PRKCB: variants seen among roughly 807,000 people sequenced by gnomAD.
The protein encoded by PRKCB is protein kinase C beta.
PRKCB carries 13 observed loss-of-function variants against 81.5 expected under a neutral mutation model. The ratio of observed to expected loss-of-function variants is 0.16; its 90% CI spans 0.10 to 0.25. The LOEUF (loss-of-function observed/expected upper bound fraction) is 0.25, where lower values mean the gene tolerates loss of function less well. Ranked by LOEUF, PRKCB falls within the 10% of genes least tolerant of loss-of-function variation. The probability of loss-of-function intolerance (pLI) is 1.00; values close to 1 mark genes in which losing one functional copy is unlikely to be tolerated. For missense variants in PRKCB, 509 were observed against 875.7 expected (o/e 0.58, Z 5.29); for synonymous variants, 335 against 321.4 (o/e 1.04, Z -0.45).
chr16:24,102,898 T>C (rs1007132814), intron 7 of PRKCB, among the ~76,000 whole-genome samples: 1 of 152,216 alleles, frequency 6.6e-6, no homozygotes, highest in African/African-American at 2.4e-5. Flanking sequence ...ATAGCTTTTT[T>C]GTTTGTTTGT....
chr16:23,889,160 A>ATCCG (rs1413842560), intron 2 of PRKCB, among the ~76,000 whole-genome samples: 1 of 92,982 alleles, frequency 1.1e-5, no homozygotes, highest in African/African-American at 3.8e-5. Context: ...CCATCCATCC[A>ATCCG]TCCATCCATC....
intron 16 of PRKCB, among the ~76,000 whole-genome samples, chr16:24,194,132 G>C (rs1290691934): frequency 6.6e-6 from 1 of 152,094 alleles, no homozygotes; most frequent in Non-Finnish European, 1.5e-5. Context: ...TTCGAGACCA[G>C]CCTGGCCAAC....
intron 3 of PRKCB, among the ~76,000 whole-genome samples, chr16:24,001,920 A>C (rs1326935752): frequency 1.3e-5 from 2 of 152,188 alleles, no homozygotes; most frequent in Non-Finnish European, 1.5e-5. Context: ...GCTGGAACTG[A>C]AGCTCCAGTA....
rs1019911377 is a variant in PRKCB at position 23,861,857 on chromosome 16, C to G, written c.205+24451C>G. Reference sequence around the variant, plus strand: ...CACAATATCCTTGAGCCCCTGAATTCACTAATCTTGATATAGCTCTATCTC... The same window carrying G: ...CACAATATCCTTGAGCCCCTGAATTGACTAATCTTGATATAGCTCTATCTC... On this transcript the variant is annotated intron_variant, in intron 2 of 16. Transcript: ENST00000643927. Among the ~76,000 whole-genome samples the G allele has an allele frequency of 1.4e-4, 22 of 152,186 alleles. 1 individual carries two copies. Among genetic ancestry groups the G allele is most frequent in the Non-Finnish European group, 1.8e-4 (12 of 68,034 alleles).
At chr16:24,033,375 A>G (rs1965572210) in intron 4 of PRKCB, among the ~76,000 whole-genome samples, 3 of 152,178 alleles carry the variant, frequency 2.0e-5, no homozygotes, top group Admixed American at 6.5e-5. Flanking sequence ...GACACATGCA[A>G]CCCTAACACA....
chr16:23,948,665 C>T (rs1009446073), intron 2 of PRKCB, among the ~76,000 whole-genome samples: 1 of 152,188 alleles, frequency 6.6e-6, no homozygotes, highest in African/African-American at 2.4e-5. Context: ...CCTTGGCCTC[C>T]CAAAGTGCTG....
intron 3 of PRKCB, among the ~76,000 whole-genome samples, chr16:24,015,020 C>T (rs1234379658): frequency 2.6e-5 from 4 of 152,120 alleles, no homozygotes; most frequent in Non-Finnish European, 5.9e-5. Context: ...AGGCTGGTCT[C>T]GAACTCCTGG....
chr16:23,839,776 A>G (rs1312378506), intron 2 of PRKCB, among the ~76,000 whole-genome samples: 1 of 152,208 alleles, frequency 6.6e-6, no homozygotes, highest in Non-Finnish European at 1.5e-5. Flanking sequence ...TAACAGTACC[A>G]TAGTGTGGCT....
intron 10 of PRKCB, among the ~76,000 whole-genome samples, chr16:24,171,367 G>C (rs1037491593): frequency 3.9e-5 from 6 of 152,204 alleles, no homozygotes; most frequent in African/African-American, 1.4e-4. Context: ...ATGGCGGCAG[G>C]CTTCCCAAAA....
intron 9 of PRKCB, among the ~76,000 whole-genome samples, chr16:24,145,784 G>A (rs1261301186): frequency 6.6e-6 from 1 of 152,226 alleles, no homozygotes; most frequent in Non-Finnish European, 1.5e-5. Context: ...AAAACCGGAG[G>A]TTGGTGCTTT....
intron 5 of PRKCB, among the ~76,000 whole-genome samples, chr16:24,067,941 C>CA (rs912993889): frequency 0.029 from 2,194 of 76,786 alleles, 28 homozygotes; most frequent in South Asian, 0.057. Flanking sequence ...GACTCCGTCT[C>CA]AAAAAAAAAA....
At position 24,214,667 on chromosome 16, in the gene PRKCB, A is replaced by G. The variant is rs1968195464; in HGVS notation, c.1873A>G (p.Asn625Asp). The change falls in exon 17 of 17, where the codon AAT becomes GAT. Residue 625 changes from asparagine (N) to aspartate (D), a missense_variant. Physicochemically the swap from Asn to Asp is conservative, Grantham distance 23. This residue lies in a region of PRKCB where 104 missense variants were observed against 160.5 expected (regional missense o/e 0.65). Coordinates refer to ENST00000643927, the MANE Select transcript of PRKCB (RefSeq NM_002738.7). The stretch of plus-strand genomic sequence containing the variant: ...TCTTCCCCTCTCATAGTGTGGGCGA[A>G]ATGCTGAAAACTTCGACCGATTTTT... ...PPYKPKACGR[N>D]AENFDRFFTR... 1.2e-6 allele frequency: 2 copies of G among 1,614,048 alleles called. No homozygotes were observed. Among genetic ancestry groups the G allele is most frequent in the East Asian group, 2.2e-5 (1 of 44,874 alleles).
chr16:23,977,275 T>C (rs1964638453), intron 2 of PRKCB, among the ~76,000 whole-genome samples: 1 of 152,138 alleles, frequency 6.6e-6, no homozygotes, highest in African/African-American at 2.4e-5. Context: ...CCAGATGTGT[T>C]AGTGTGGGGA....
intron 2 of PRKCB, among the ~76,000 whole-genome samples, chr16:23,915,615 C>T (rs1172400271): frequency 1.5e-5 from 2 of 134,002 alleles, no homozygotes; most frequent in Non-Finnish European, 3.1e-5. Flanking sequence ...TTGCATGAGC[C>T]CAGGAGGTGG....
Position 24,123,954 on chromosome 16 carries a change from G to A in PRKCB, c.1038G>A (p.Met346Ile), listed in dbSNP as rs763468825. Residue 346 changes from methionine to isoleucine, a missense_variant, in exon 9 of 17, where the codon ATG (methionine) becomes ATA (isoleucine). By Grantham distance (10) the Met-to-Ile change is conservative. Coordinates refer to ENST00000643927, the MANE Select transcript of PRKCB (RefSeq NM_002738.7). ...AACTGACCGATTTTAACTTCCTAAT[G>A]GTGCTGGGGAAAGGCAGCTTTGGCA... ...RMKLTDFNFL[M>I]VLGKGSFGKV... 2 of 1,614,134 alleles carry A rather than the reference G, an allele frequency of 1.2e-6. No homozygotes were observed. The highest frequency in any genetic ancestry group is 1.7e-6 in the Non-Finnish European group (2 of 1,180,004).
chr16:23,992,215 G>C (rs1964895155), intron 3 of PRKCB, among the ~76,000 whole-genome samples: 1 of 152,176 alleles, frequency 6.6e-6, no homozygotes, highest in South Asian at 2.1e-4. Context: ...AAATCACTCA[G>C]GTTTTGGTAT....
At chr16:24,039,797 G>A (rs1385425697) in intron 5 of PRKCB, among the ~76,000 whole-genome samples, 2 of 152,190 alleles carry the variant, frequency 1.3e-5, no homozygotes, top group Admixed American at 1.3e-4. Context: ...AACAGCATCT[G>A]GCACACTCAA....
intron 5 of PRKCB, among the ~76,000 whole-genome samples, chr16:24,057,649 T>C (rs1404189457): frequency 6.6e-6 from 1 of 152,086 alleles, no homozygotes; most frequent in Admixed American, 6.6e-5. Flanking sequence ...AGGAAGCACA[T>C]GCTGTGGGAG....
intron 2 of PRKCB, chr16:23,893,710 C>T (rs1963329705): frequency 6.6e-6 from 1 of 152,186 alleles, no homozygotes; most frequent in African/African-American, 2.4e-5. Context: ...TTCCACTGTG[C>T]TCTAGTGTAA....
Sources: gnomAD v4.1 joint callset for allele counts (sites outside exome capture counted in the v4.1 genomes callset) on GRCh38, gnomAD v4.1.1 for gene constraint, gnomAD v4.1.1 regional missense constraint, MANE v1.5 for transcripts, NCBI Gene and HGNC (gene_info 2026-07-23, HGNC 2026-07-21) for gene names.